Variants in MCL1 observed in about 807,000 individuals in gnomAD.
MCL1 encodes induced myeloid leukemia cell differentiation protein Mcl-1.
MCL1 carries 4 observed loss-of-function variants against 24.2 expected under a neutral mutation model. The ratio of observed to expected loss-of-function variants is 0.17; its 90% CI spans 0.08 to 0.38. MCL1 has a LOEUF of 0.38. Among genes scored for constraint, MCL1 ranks in the 10% least tolerant of loss-of-function variants. The pLI is 1.00. For missense variants in MCL1, 529 were observed against 480.3 expected, an observed-to-expected ratio of 1.10 and a Z score of -0.95; for synonymous variants, 248 against 214.0, an observed-to-expected ratio of 1.16 and a Z score of -1.39.
chr1:150,579,402 C>T lies in MCL1; in HGVS notation c.129G>A (p.Ser43=). The T allele has an allele frequency of 6.4e-7, 1 of 1,566,470 alleles. No individual in the cohort carries two copies. ...GRLLATEKEA[S]ARREIGGGEA... ...CCCCTCCCCCTATCTCTCGCCGGGC[C>T]GAGGCCTCCTTCTCCGTAGCCAAAA... Residue 43 remains serine (S), a synonymous_variant, in exon 1 of 3, where the codon TCG becomes TCA. Transcript: ENST00000369026.
In MCL1 at chr1:150,576,104, G is replaced by A; in HGVS notation, c.*1271C>T. ...TTTTATAATTTATTAAGCAAACAAG[G>A]GATCAAATGTCTCTCCATCCACCTG... On this transcript the variant is annotated 3_prime_UTR_variant, in exon 3 of 3. Coordinates refer to ENST00000369026, the MANE Select transcript of MCL1 (RefSeq NM_021960.5). 1 of 233,426 alleles carries A rather than the reference G, an allele frequency of 4.3e-6. No individual in the cohort carries two copies. The allele number at this position is 233,426 out of a possible 1,614,324, so 14.5% of individuals were successfully genotyped here.
rs1647827429 is a variant in MCL1 at position 150,576,830 on chromosome 1, A to G, written c.*545T>C. 4.3e-6 allele frequency: 1 copy of G among 233,058 alleles called. No individual in the cohort carries two copies. Among genetic ancestry groups the G allele is most frequent in the Non-Finnish European group, 8.5e-6 (1 of 117,790 alleles). 14.4% of individuals were successfully genotyped at this position (233,058 alleles called of 1,614,324 possible). A position where few individuals can be genotyped will look rare whatever the true frequency, so the allele number is the denominator to read the frequency against. On this transcript the variant is annotated 3_prime_UTR_variant, in exon 3 of 3. Transcript: ENST00000369026. ...GAAACCAAGCCAAAGTATAACAGGT[A>G]TAAAAGTCCTGAACACTTGGACTTT...
Position 150,578,864 on chromosome 1 carries a change from T to G in MCL1, c.667A>C (p.Asn223His). 6.2e-7 allele frequency: 1 copy of G among 1,612,784 alleles called. No homozygotes were observed. The highest frequency in any genetic ancestry group is 8.5e-7 in the Non-Finnish European group (1 of 1,179,138). ...TTACCTTGGAAGGCCGTCTCGTGGT[T>G]GCGCTGCACGCCATCCCCAACCCGT... ...LRRVGDGVQRNHETAFQGMLR... is the reference protein window; with the variant it reads ...LRRVGDGVQRHHETAFQGMLR... Residue 223 changes from asparagine (N) to histidine (H), a missense_variant, in exon 1 of 3, where the codon AAC becomes CAC. By Grantham distance (68) the Asn-to-His change is moderately conservative. Transcript: ENST00000369026.
In MCL1 at chr1:150,576,772, G is replaced by C. The variant is rs1357898600; in HGVS notation, c.*603C>G. The C allele has an allele frequency of 8.6e-6, 2 of 232,480 alleles. No individual in the cohort carries two copies. The highest frequency in any genetic ancestry group is 1.7e-5 in the Non-Finnish European group (2 of 117,566). 14.4% of individuals were successfully genotyped at this position (232,480 alleles called of 1,614,324 possible). ...CTGAGCCTTCCGTCAAGTATTATTG[G>C]TGATAAACTAGGCTAATAAAGTAAG... On this transcript the variant is annotated 3_prime_UTR_variant, in exon 3 of 3. Transcript: ENST00000369026.
In MCL1 at chr1:150,579,180, G is replaced by C; in HGVS notation, c.351C>G (p.Asp117Glu). ...GCTCCTCTTCGGGCGACATGATGGC[G>C]TCAGCGGCCGGGGCTTCCATCTCCT... ...PLEEMEAPAA[D>E]AIMSPEEELD... The change falls in exon 1 of 3, where the codon GAC (aspartate) becomes GAG (glutamate). Residue 117 changes from aspartate to glutamate, a missense_variant. Asp to Glu is a conservative substitution (Grantham distance 45). Coordinates refer to ENST00000369026, the MANE Select transcript of MCL1 (RefSeq NM_021960.5). 1 of 1,606,088 alleles carries C rather than the reference G, an allele frequency of 6.2e-7. No individual in the cohort carries two copies. The highest frequency in any genetic ancestry group is 1.3e-5 in the African/African-American group (1 of 74,932).
chr1:150,576,429 A>G lies in MCL1; in HGVS notation c.*946T>C, dbSNP rs980086429. The G allele has an allele frequency of 5.6e-5, 13 of 232,398 alleles. No individual in the cohort carries two copies. Among genetic ancestry groups the G allele is most frequent in the Non-Finnish European group, 1.1e-4 (13 of 117,362 alleles). The allele number at this position is 232,398 out of a possible 1,614,324, so 14.4% of individuals were successfully genotyped here. ...AGAAAAACCTAAGGAATACTTACCA[A>G]AATCAGATAAGAAAATTTAAACCTG... On this transcript the variant is annotated 3_prime_UTR_variant, in exon 3 of 3. Transcript: ENST00000369026.
Position 150,576,991 on chromosome 1 carries a change from A to G in MCL1, c.*384T>C, listed in dbSNP as rs1181519233. 2 of 287,106 alleles carry G rather than the reference A, an allele frequency of 7.0e-6. No homozygotes were observed. The highest frequency in any genetic ancestry group is 9.4e-5 in the Admixed American group (2 of 21,290). 17.8% of individuals were successfully genotyped at this position (287,106 alleles called of 1,614,324 possible). On this transcript the variant is annotated 3_prime_UTR_variant, in exon 3 of 3. Coordinates refer to ENST00000369026, the MANE Select transcript of MCL1 (RefSeq NM_021960.5). ...CATTCTTAGTGCTTCTCTTAACACT[A>G]CAGTAAATTAATGAATTCGGCGGGT...
chr1:150,579,602 G>C lies in MCL1; in HGVS notation c.-72C>G, dbSNP rs1648001502. ...GACTCCTTACTGGAAGGAAGCGGAA[G>C]TGAGAAGTGGCGAGCAGCTCCTTTA... On this transcript the variant is annotated 5_prime_UTR_variant, in exon 1 of 3. Transcript: ENST00000369026. 6.1e-6 allele frequency: 9 copies of C among 1,468,806 alleles called. No individual in the cohort carries two copies. The highest frequency in any genetic ancestry group is 4.2e-5 in the Admixed American group (2 of 47,770). The allele number at this position is 1,468,806 out of a possible 1,614,324, so 91.0% of individuals were successfully genotyped here.
Position 150,574,574 on chromosome 1 carries a change from ATT to A in MCL1, c.*2799_*2800del, listed in dbSNP as rs1156330061. ...CACCCTGTATTTGAATAAAAGATTT[ATT>A]TTTTTTTCTCAGGAAAAACAGAAAG... On this transcript the variant is annotated 3_prime_UTR_variant, in exon 3 of 3. Transcript: ENST00000369026. 6 of 225,554 alleles carry A rather than the reference ATT, an allele frequency of 2.7e-5. No individual in the cohort carries two copies. The highest frequency in any genetic ancestry group is 1.3e-4 in the East Asian group (2 of 15,716). 14.0% of individuals were successfully genotyped at this position (225,554 alleles called of 1,614,324 possible). A position where few individuals can be genotyped will look rare whatever the true frequency, so the allele number is the denominator to read the frequency against.
Position 150,579,091 on chromosome 1 carries a change from A to C in MCL1, c.440T>G (p.Val147Gly), listed in dbSNP as rs1570983264. ...ACTGGTGTTATTACCAGATTCCCCGACCAACTCCAGCAGCGGCAGGACAGC... is the reference window on the plus strand; with the variant it reads ...ACTGGTGTTATTACCAGATTCCCCGCCCAACTCCAGCAGCGGCAGGACAGC... ...RPAVLPLLEL[V>G]GESGNNTSTD... The change falls in exon 1 of 3, where the codon GTC (valine) becomes GGC (glycine). Residue 147 changes from valine to glycine, a missense_variant. Coordinates refer to ENST00000369026, the MANE Select transcript of MCL1 (RefSeq NM_021960.5). 1 of 1,612,964 alleles carries C rather than the reference A, an allele frequency of 6.2e-7. No homozygotes were observed. Among genetic ancestry groups the C allele is most frequent in the African/African-American group, 1.3e-5 (1 of 75,010 alleles).
rs1647791238 is a variant in MCL1, at chr1:150,576,181, CTTTTAGTAA to C, written c.*1185_*1193del. 8.6e-6 allele frequency: 2 copies of C among 233,092 alleles called. No homozygotes were observed. Among genetic ancestry groups the C allele is most frequent in the Admixed American group, 1.1e-4 (2 of 17,754 alleles). 14.4% of individuals were successfully genotyped at this position (233,092 alleles called of 1,614,324 possible). A position where few individuals can be genotyped will look rare whatever the true frequency, so the allele number is the denominator to read the frequency against. On this transcript the variant is annotated 3_prime_UTR_variant, in exon 3 of 3. Coordinates refer to ENST00000369026, the MANE Select transcript of MCL1 (RefSeq NM_021960.5). ...TAATGAGTTCCATTCAGCTGAAAAT[CTTTTAGTAA>C]AAGCTTTAAAGATGAGCCCATGAAT...
At chr1:150,578,604 TG>T in intron 1 of MCL1, 113 bp from the exon 2 acceptor site, 2 of 1,342,072 alleles carry the variant, frequency 1.5e-6, no homozygotes, top group Non-Finnish European at 2.0e-6. Flanking sequence ...GAACTCAGGT[TG>T]ACCCCACTTG....
At position 150,579,431 on chromosome 1, in the gene MCL1, G is replaced by T. The variant is rs748428410; in HGVS notation, c.100C>A (p.Arg34=). The change falls in exon 1 of 3, where the codon CGA becomes AGA. Residue 34 remains arginine (R), a synonymous_variant. Transcript: ENST00000369026. ...GSGGATRPGG[R]LLATEKEASA... The stretch of plus-strand genomic sequence containing the variant: ...GCCTCCTTCTCCGTAGCCAAAAGTC[G>T]CCCTCCCGGGCGGGTGGCGCCGCCG... The T allele has an allele frequency of 3.8e-6, 6 of 1,583,658 alleles. No homozygotes were observed. The South Asian group carries it at 6.8e-5, about 18-fold the overall frequency.
At position 150,579,259 on chromosome 1, in the gene MCL1, G is replaced by C. The variant is rs1647971707; in HGVS notation, c.272C>G (p.Ala91Gly). 2 of 1,508,664 alleles carry C rather than the reference G, an allele frequency of 1.3e-6. No homozygotes were observed. The highest frequency in any genetic ancestry group is 1.8e-6 in the Non-Finnish European group (2 of 1,134,500). 93.5% of individuals were successfully genotyped at this position (1,508,664 alleles called of 1,614,324 possible). A position where few individuals can be genotyped will look rare whatever the true frequency, so the allele number is the denominator to read the frequency against. Residue 91 changes from alanine to glycine, a missense_variant, in exon 1 of 3, where the codon GCG becomes GGG. Coordinates refer to ENST00000369026, the MANE Select transcript of MCL1 (RefSeq NM_021960.5). Reference protein sequence around the residue: ...PIGAEVPDVTATPARLLFFAP... With the variant: ...PIGAEVPDVTGTPARLLFFAP... The stretch of plus-strand genomic sequence containing the variant: ...GAAGAAAAGCAGCCTCGCGGGGGTC[G>C]CGGTGACGTCGGGGACCTCGGCGCC...
Position 150,575,276 on chromosome 1 carries a change from T to TC in MCL1, c.*2098dup. On this transcript the variant is annotated 3_prime_UTR_variant, in exon 3 of 3. Coordinates refer to ENST00000369026, the MANE Select transcript of MCL1 (RefSeq NM_021960.5). ...TGAGATGGGCAGGCAGGGCAGTTCT[T>TC]CCCCATTACATTCTTAGTCATCTTA... 4.3e-6 allele frequency: 1 copy of TC among 233,342 alleles called. No homozygotes were observed. Among genetic ancestry groups the TC allele is most frequent in the Non-Finnish European group, 8.5e-6 (1 of 117,898 alleles). 14.5% of individuals were successfully genotyped at this position (233,342 alleles called of 1,614,324 possible). A position where few individuals can be genotyped will look rare whatever the true frequency, so the allele number is the denominator to read the frequency against.
chr1:150,579,322 G>C lies in MCL1; in HGVS notation c.209C>G (p.Thr70Arg). 2 of 1,478,334 alleles carry C rather than the reference G, an allele frequency of 1.4e-6. No individual in the cohort carries two copies. The highest frequency in any genetic ancestry group is 8.9e-7 in the Non-Finnish European group (1 of 1,121,898). The allele number at this position is 1,478,334 out of a possible 1,614,324, so 91.6% of individuals were successfully genotyped here. ...CCGCGCGACCCTCCGGGAGTCTGGC[G>C]TGAGGGTGGACGGGGGGCTTGCGCC... ...SAGASPPSTLTPDSRRVARPP... is the reference protein window; with the variant it reads ...SAGASPPSTLRPDSRRVARPP... Residue 70 changes from threonine to arginine, a missense_variant, in exon 1 of 3, where the codon ACG becomes AGG. Transcript: ENST00000369026.
chr1:150,579,334 G>T lies in MCL1; in HGVS notation c.197C>A (p.Pro66Gln), dbSNP rs747459222. 71 of 1,472,136 alleles carry T rather than the reference G, an allele frequency of 4.8e-5. No homozygotes were observed. The Middle Eastern group carries it at 1.4e-3, about 28-fold the overall frequency. 91.2% of individuals were successfully genotyped at this position (1,472,136 alleles called of 1,614,324 possible). The change falls in exon 1 of 3, where the codon CCG becomes CAG. Residue 66 changes from proline to glutamine, a missense_variant. By Grantham distance (76) the Pro-to-Gln change is moderately conservative (BLOSUM62 -1). Transcript: ENST00000369026. ...VIGGSAGASP[P>Q]STLTPDSRRV... The stretch of plus-strand genomic sequence containing the variant: ...CCGGGAGTCTGGCGTGAGGGTGGAC[G>T]GGGGGCTTGCGCCGGCGCTTCCGCC...
rs1156235914 is a variant in MCL1 at position 150,576,538 on chromosome 1, A to G, written c.*837T>C. On this transcript the variant is annotated 3_prime_UTR_variant, in exon 3 of 3. Coordinates refer to ENST00000369026, the MANE Select transcript of MCL1 (RefSeq NM_021960.5). ...TTCTGTATACACTCTAGAACTGAAC[A>G]GAACAAAGTTTAGCATAGAAAAGCT... 1 of 232,686 alleles carries G rather than the reference A, an allele frequency of 4.3e-6. No individual in the cohort carries two copies. Among genetic ancestry groups the G allele is most frequent in the East Asian group, 6.1e-5 (1 of 16,392 alleles). 14.4% of individuals were successfully genotyped at this position (232,686 alleles called of 1,614,324 possible). A position where few individuals can be genotyped will look rare whatever the true frequency, so the allele number is the denominator to read the frequency against.
At position 150,579,324 on chromosome 1, in the gene MCL1, G is replaced by T. The variant is rs1647975260; in HGVS notation, c.207C>A (p.Leu69=). ...GCGCGACCCTCCGGGAGTCTGGCGTGAGGGTGGACGGGGGGCTTGCGCCGG... is the reference window on the plus strand; with the variant it reads ...GCGCGACCCTCCGGGAGTCTGGCGTTAGGGTGGACGGGGGGCTTGCGCCGG... ...GSAGASPPST[L]TPDSRRVARP... is the part of the protein sequence containing the mutation. Residue 69 remains leucine (L), a synonymous_variant, in exon 1 of 3, where the codon CTC becomes CTA. Transcript: ENST00000369026. The T allele has an allele frequency of 2.0e-6, 3 of 1,475,094 alleles. No individual in the cohort carries two copies. Among genetic ancestry groups the T allele is most frequent in the East Asian group, 5.1e-5 (2 of 39,340 alleles). The allele number at this position is 1,475,094 out of a possible 1,614,324, so 91.4% of individuals were successfully genotyped here. A position where few individuals can be genotyped will look rare whatever the true frequency, so the allele number is the denominator to read the frequency against.
Sources: gnomAD v4.1 joint callset for allele counts on GRCh38, gnomAD v4.1.1 for gene constraint, MANE v1.5 for transcripts, NCBI Gene and HGNC (gene_info 2026-07-23, HGNC 2026-07-21) for gene names.